STAP2: variants seen among roughly 807,000 people sequenced by gnomAD.
The protein encoded by STAP2 is signal-transducing adaptor protein 2.
STAP2 carries 58 observed loss-of-function variants against 52.7 expected under a neutral mutation model. The observed-to-expected ratio is 1.10, with a 90% confidence interval of 0.89 to 1.37. STAP2 has a LOEUF of 1.37. STAP2 is among the 40% of genes most tolerant of loss of function. STAP2 has a pLI of 0.00. For missense variants in STAP2, 522 were observed against 519.4 expected, an observed-to-expected ratio of 1.00 and a Z score of -0.05; for synonymous variants, 231 against 210.5, an observed-to-expected ratio of 1.10 and a Z score of -0.84.
At chr19:4,337,058 G>C (rs1352218067) in intron 1 of STAP2, among the ~76,000 whole-genome samples, 1 of 152,034 alleles carries the variant, frequency 6.6e-6, no homozygotes, top group African/African-American at 2.4e-5. Context: ...AACCTCAGGG[G>C]CAGAGGCGGG....
At chr19:4,332,614 G>A (rs1200738279) in intron 3 of STAP2, among the ~76,000 whole-genome samples, 2 of 151,226 alleles carry the variant, frequency 1.3e-5, no homozygotes, top group South Asian at 2.1e-4. Flanking sequence ...AGGTCGAGGC[G>A]GGAGGATCAC....
chr19:4,325,215 C>G lies in STAP2; in HGVS notation c.1072+1G>C. On this transcript the variant is annotated splice_donor_variant, in intron 11 of 12. Transcript: ENST00000594605. LOFTEE classifies it high-confidence loss of function. ...GGGTGGGATATGGGGGGGACCCCAA[C>G]CTGGCTTGGGTCCAACGGGTGGCTT... 1.3e-6 allele frequency: 2 copies of G among 1,582,076 alleles called. No individual in the cohort carries two copies. Among genetic ancestry groups the G allele is most frequent in the Non-Finnish European group, 1.7e-6 (2 of 1,163,998 alleles).
chr19:4,334,276 C>T (rs868201361), intron 1 of STAP2, among the ~76,000 whole-genome samples: 4 of 152,070 alleles, frequency 2.6e-5, no homozygotes, highest in African/African-American at 7.2e-5. Context: ...AAGGACCAGA[C>T]GGAACCTCGA....
chr19:4,331,070 C>G (rs1971882577), intron 4 of STAP2, among the ~76,000 whole-genome samples: 1 of 151,768 alleles, frequency 6.6e-6, no homozygotes, highest in African/African-American at 2.4e-5. Context: ...TGGCTCACAT[C>G]TATAATCCTA....
intron 12 of STAP2, 103 bp from the exon 13 acceptor site, chr19:4,324,300 G>GT: frequency 7.4e-7 from 1 of 1,346,266 alleles, no homozygotes; most frequent in Non-Finnish European, 1.0e-6. Flanking sequence ...GCAGGGCCCC[G>GT]TGCAACAGGA....
At chr19:4,327,948 C>T (rs1179698927) in intron 6 of STAP2, among the ~76,000 whole-genome samples, 1 of 151,984 alleles carries the variant, frequency 6.6e-6, no homozygotes, top group Admixed American at 6.6e-5. Context: ...GGCCATGACT[C>T]CCCCCCGTAG....
Position 4,326,987 on chromosome 19 carries a change from C to T in STAP2, c.784G>A (p.Glu262Lys). 6.4e-7 allele frequency: 1 copy of T among 1,555,076 alleles called. No individual in the cohort carries two copies. The highest frequency in any genetic ancestry group is 8.7e-7 in the Non-Finnish European group (1 of 1,148,450). The change falls in exon 9 of 13, where the codon GAG becomes AAG. Residue 262 changes from glutamate (E) to lysine (K), a missense_variant. Coordinates refer to ENST00000594605, the MANE Select transcript of STAP2 (RefSeq NM_001013841.2). The part of the protein sequence containing the change: ...KVLGYVEADK[E>K]NGENVWVAPS... ...GCCACCCACACATTCTCGCCATTCT[C>T]CTTATCGGCTTCCACGTAGCCTGGA...
Position 4,333,766 on chromosome 19 carries a change from A to T in STAP2, c.225T>A (p.Ile75=). ...LGAFEKLTDE[I]PWGSSRDPGT... is the part of the protein sequence containing the mutation. ...CAGGGTCACGTGAGCTTCCCCAGGG[A>T]ATCTCATCTGTGAGTTTCTCAAATG... Residue 75 remains isoleucine, a synonymous_variant, in exon 3 of 13, where the codon ATT becomes ATA. Coordinates refer to ENST00000594605, the MANE Select transcript of STAP2 (RefSeq NM_001013841.2). 1 of 1,613,602 alleles carries T rather than the reference A, an allele frequency of 6.2e-7. No individual in the cohort carries two copies. Among genetic ancestry groups the T allele is most frequent in the Middle Eastern group, 1.7e-4 (1 of 5,748 alleles).
chr19:4,334,796 A>C, intron 1 of STAP2, among the ~76,000 whole-genome samples: 1 of 8,154 alleles, frequency 1.2e-4, no homozygotes. Flanking sequence ...CCACCCATCC[A>C]TCCATCCCTC....
At chr19:4,331,839 C>G (rs1243040488) in intron 4 of STAP2, among the ~76,000 whole-genome samples, 183 bp downstream of exon 4, 4 of 151,756 alleles carry the variant, frequency 2.6e-5, no homozygotes, top group South Asian at 2.1e-4. Flanking sequence ...GGCTGAGGCA[C>G]GAGAATGGCG....
Position 4,324,053 on chromosome 19 carries a change from A to C in STAP2, c.*80T>G. 1 of 1,447,862 alleles carries C rather than the reference A, an allele frequency of 6.9e-7. No homozygotes were observed. The highest frequency in any genetic ancestry group is 9.5e-7 in the Non-Finnish European group (1 of 1,056,108). The allele number at this position is 1,447,862 out of a possible 1,614,324, so 89.7% of individuals were successfully genotyped here. A position where few individuals can be genotyped will look rare whatever the true frequency, so the allele number is the denominator to read the frequency against. On this transcript the variant is annotated 3_prime_UTR_variant, in exon 13 of 13. Coordinates refer to ENST00000594605, the MANE Select transcript of STAP2 (RefSeq NM_001013841.2). ...AGCCAGACACATGGGTCCTGGGGTC[A>C]GAGTTTTAATCCTGGGAAAAAGAAT... is the stretch of plus-strand genomic sequence containing the variant.
intron 1 of STAP2, among the ~76,000 whole-genome samples, chr19:4,335,640 AG>A (rs1199391475): frequency 6.6e-6 from 1 of 152,176 alleles, no homozygotes; most frequent in Non-Finnish European, 1.5e-5. Flanking sequence ...GCCCTGCTCC[AG>A]GCACTGGGAC....
rs1599548828 is a variant in STAP2 at position 4,327,475 on chromosome 19, C to G, written c.591-90G>C. On this transcript the variant is annotated intron_variant, in intron 6 of 12. Transcript: ENST00000594605. ...CCCGCCCCAACTCCAGGCTCCGCCT[C>G]CAATAGAAACAGGTCCATACTGGCT... 7.2e-6 allele frequency: 10 copies of G among 1,396,868 alleles called. No individual in the cohort carries two copies. The East Asian group carries it at 2.4e-4, about 34-fold the overall frequency. 86.5% of individuals were successfully genotyped at this position (1,396,868 alleles called of 1,614,324 possible).
chr19:4,337,661 A>G lies in STAP2; in HGVS notation c.102+991T>C, dbSNP rs187046383. Among the ~76,000 whole-genome samples, 1,320 of 152,070 alleles carry G rather than the reference A, an allele frequency of 8.7e-3. 6 individuals are homozygous for G. The highest frequency in any genetic ancestry group is 0.014 in the Non-Finnish European group (985 of 67,980). On this transcript the variant is annotated intron_variant, in intron 1 of 12. Coordinates refer to ENST00000594605, the MANE Select transcript of STAP2 (RefSeq NM_001013841.2). ...CAAGAGTTCAAGACCAGCCGGGCCA[A>G]CAAAATGAAACACTGTCTTTACTAA...
intron 4 of STAP2, among the ~76,000 whole-genome samples, chr19:4,331,731 G>A (rs940875123): frequency 1.3e-5 from 2 of 151,234 alleles, no homozygotes; most frequent in African/African-American, 4.9e-5. Flanking sequence ...AGGAGACAGA[G>A]ACCATCCTGG....
At chr19:4,324,305 A>C (rs1342964814) in intron 12 of STAP2, 108 bp from the exon 13 acceptor site, 1 of 1,337,944 alleles carries the variant, frequency 7.5e-7, no homozygotes, top group Non-Finnish European at 1.0e-6. Context: ...GCCCCGTGCA[A>C]CAGGACAGTG....
intron 1 of STAP2, 54 bp downstream of exon 1, chr19:4,338,598 G>A (rs1972017596): frequency 2.7e-6 from 3 of 1,130,532 alleles, no homozygotes; most frequent in Non-Finnish European, 3.7e-6. Flanking sequence ...TCAGAGAGGT[G>A]CCGCAGCTCC....
chr19:4,328,681 T>G lies in STAP2; in HGVS notation c.584A>C (p.His195Pro), dbSNP rs1452931444. Residue 195 changes from histidine (H) to proline (P), a missense_variant, in exon 6 of 13, where the codon CAC becomes CCC. His to Pro is a moderately conservative substitution (Grantham distance 77). Coordinates refer to ENST00000594605, the MANE Select transcript of STAP2 (RefSeq NM_001013841.2). Reference sequence around the variant, plus strand: ...TCCAGACGCGCATGCGCACCCGTTGTGCATCTGCCGCGTGGTGACCGACAC... The same window carrying G: ...TCCAGACGCGCATGCGCACCCGTTGGGCATCTGCCGCGTGGTGACCGACAC... ...DGVSVTTRQM[H>P]NGTHVVRHYK... is the part of the protein sequence containing the mutation. 1.3e-6 allele frequency: 2 copies of G among 1,599,504 alleles called. No individual in the cohort carries two copies. Among genetic ancestry groups the G allele is most frequent in the Non-Finnish European group, 1.7e-6 (2 of 1,174,040 alleles).
intron 1 of STAP2, 81 bp downstream of exon 1, chr19:4,338,570 GA>G: frequency 1.4e-5 from 11 of 781,708 alleles, no homozygotes; most frequent in African/African-American, 1.9e-5. Context: ...CCCCCTTGGC[GA>G]GTGGGGAGAC....
Sources: allele counts gnomAD v4.1 joint callset (sites outside exome capture counted in the v4.1 genomes callset), GRCh38; gene constraint gnomAD v4.1.1; transcripts MANE v1.5; gene names NCBI Gene and HGNC (gene_info 2026-07-23, HGNC 2026-07-21).